TFDP2: variants seen among roughly 807,000 people sequenced by gnomAD.
TFDP2 encodes transcription factor Dp-2, also known as transcription factor Dp-2 (E2F dimerization partner 2).
A neutral mutation model predicts 59.3 loss-of-function variants in TFDP2; 17 were observed. The observed-to-expected ratio is 0.29, with a 90% CI of 0.20 to 0.43. The LOEUF (loss-of-function observed/expected upper bound fraction) is 0.43. TFDP2 is among the 20% of genes least tolerant of loss of function. TFDP2 has a pLI of 1.00. For missense variants in TFDP2, 391 were observed against 528.8 expected, an observed-to-expected ratio of 0.74 and a Z score of 2.56; for synonymous variants, 180 against 194.7, an observed-to-expected ratio of 0.92 and a Z score of 0.63.
At position 142,093,045 on chromosome 3, in the gene TFDP2, A is replaced by G. The variant is rs909828883; in HGVS notation, c.82+16T>C. On this transcript the variant is annotated intron_variant, in intron 3 of 12. Coordinates refer to ENST00000489671, the MANE Select transcript of TFDP2 (RefSeq NM_001178139.2). ...AACTAACTTAATTCAGAAAAATTTTATTCAATAATCCTTACCTTTTGTTGG... is the reference window on the plus strand; with the variant it reads ...AACTAACTTAATTCAGAAAAATTTTGTTCAATAATCCTTACCTTTTGTTGG... The G allele has an allele frequency of 8.6e-6, 13 of 1,509,130 alleles. No individual in the cohort carries two copies. The African/African-American group carries it at 1.5e-4, about 18-fold the overall frequency. The allele number at this position is 1,509,130 out of a possible 1,614,324, so 93.5% of individuals were successfully genotyped here.
In TFDP2 at chr3:142,101,814, G is replaced by T; in HGVS notation, c.-65C>A. The T allele has an allele frequency of 1.0e-6, 1 of 966,580 alleles. No individual in the cohort carries two copies. Among genetic ancestry groups the T allele is most frequent in the Non-Finnish European group, 1.4e-6 (1 of 700,512 alleles). The allele number at this position is 966,580 out of a possible 1,614,324, so 59.9% of individuals were successfully genotyped here. A position where few individuals can be genotyped will look rare whatever the true frequency, so the allele number is the denominator to read the frequency against. ...AAAAAATAAAAAGAAAAAAACCTTC[G>T]TCTTCAATAATTCTTTAAAAGAACA... is the stretch of plus-strand genomic sequence containing the variant. On this transcript the variant is annotated 5_prime_UTR_variant, in exon 2 of 13. Coordinates refer to ENST00000489671, the MANE Select transcript of TFDP2 (RefSeq NM_001178139.2).
At chr3:142,099,117 T>G (rs969053011) in intron 2 of TFDP2, among the ~76,000 whole-genome samples, 3 of 152,192 alleles carry the variant, frequency 2.0e-5, no homozygotes, top group African/African-American at 4.8e-5. Context: ...AAGAGGGCAA[T>G]CTCTTCCCTA....
chr3:142,076,206 G>A (rs1372726992), intron 3 of TFDP2, among the ~76,000 whole-genome samples: 5 of 82,850 alleles, frequency 6.0e-5, no homozygotes, highest in Non-Finnish European at 6.8e-5. Context: ...GTGAGACTCC[G>A]TCTCAAAAAA....
At chr3:142,142,869 T>C (rs1366827476) in intron 1 of TFDP2, among the ~76,000 whole-genome samples, 5 of 152,122 alleles carry the variant, frequency 3.3e-5, no homozygotes, top group African/African-American at 7.2e-5. Context: ...GTCTCTTCAA[T>C]AGATGGTGCT....
At chr3:141,956,757 T>C (rs957793575) in intron 11 of TFDP2, among the ~76,000 whole-genome samples, 12 of 136,312 alleles carry the variant, frequency 8.8e-5, no homozygotes, top group African/African-American at 3.3e-4. Context: ...ACCAAACATA[T>C]CAAAAAAAAA....
At chr3:141,959,269 T>C (rs930524289) in intron 11 of TFDP2, among the ~76,000 whole-genome samples, 2 of 152,122 alleles carry the variant, frequency 1.3e-5, no homozygotes, top group African/African-American at 4.8e-5. Context: ...ATGTACCTAC[T>C]TTCTTTTGTA....
At chr3:142,101,278 T>G (rs2061309572) in intron 2 of TFDP2, among the ~76,000 whole-genome samples, 1 of 151,842 alleles carries the variant, frequency 6.6e-6, no homozygotes, top group African/African-American at 2.4e-5. Context: ...AAATCTAATG[T>G]TTCTTCAGGA....
At chr3:142,111,427 C>CAAAAAA (rs80110477) in intron 1 of TFDP2, among the ~76,000 whole-genome samples, 2 of 60,182 alleles carry the variant, frequency 3.3e-5, no homozygotes, top group Non-Finnish European at 3.4e-5. Flanking sequence ...GACTCTGTCT[C>CAAAAAA]AAAAAAAAAA....
intron 3 of TFDP2, among the ~76,000 whole-genome samples, chr3:142,007,067 C>T (rs1209682842): frequency 6.6e-6 from 1 of 152,214 alleles, no homozygotes; most frequent in Non-Finnish European, 1.5e-5. Context: ...AGCCACCACG[C>T]CTGGCCCTAA....
intron 4 of TFDP2, among the ~76,000 whole-genome samples, chr3:142,004,232 T>A (rs1415274577): frequency 6.6e-6 from 1 of 152,218 alleles, no homozygotes; most frequent in Non-Finnish European, 1.5e-5. Flanking sequence ...TAGCTTGATT[T>A]CTGCAGATGA....
chr3:142,126,448 C>T (rs1370592226), intron 1 of TFDP2: 1 of 151,964 alleles, frequency 6.6e-6, no homozygotes, highest in African/African-American at 2.4e-5. Context: ...ACCTATTTTT[C>T]CTCTTCTTTA....
At chr3:141,974,002 G>C (rs774617584) in intron 8 of TFDP2, 46 bp downstream of exon 8, 1 of 1,565,794 alleles carries the variant, frequency 6.4e-7, no homozygotes, top group Admixed American at 2.0e-5. Flanking sequence ...TGCCTGTGAT[G>C]TAAAATAATG....
intron 10 of TFDP2, among the ~76,000 whole-genome samples, chr3:141,962,374 T>C (rs1479002962): frequency 6.6e-6 from 1 of 151,912 alleles, no homozygotes; most frequent in Non-Finnish European, 1.5e-5. Context: ...TTTTTCTTTT[T>C]TCGAGACAGA....
At chr3:141,958,234 C>T (rs1936935715) in intron 11 of TFDP2, among the ~76,000 whole-genome samples, 1 of 151,744 alleles carries the variant, frequency 6.6e-6, no homozygotes, top group Admixed American at 6.6e-5. Context: ...CAATCGGAAA[C>T]AAACAGTTTA....
At chr3:142,135,838 T>C (rs901179552) in intron 1 of TFDP2, among the ~76,000 whole-genome samples, 14 of 152,142 alleles carry the variant, frequency 9.2e-5, no homozygotes, top group Non-Finnish European at 1.5e-4. Flanking sequence ...AAGTCTTTGC[T>C]ATTGTGAATA....
intron 1 of TFDP2, among the ~76,000 whole-genome samples, chr3:142,102,902 T>C (rs2061356595): frequency 6.6e-6 from 1 of 152,160 alleles, no homozygotes; most frequent in Non-Finnish European, 1.5e-5. Flanking sequence ...GTTAGTGTCA[T>C]GAATGGCAAA....
chr3:142,051,341 C>T (rs1402341933), intron 3 of TFDP2, among the ~76,000 whole-genome samples: 1 of 152,112 alleles, frequency 6.6e-6, no homozygotes, highest in Non-Finnish European at 1.5e-5. Context: ...GTGTTTGAGA[C>T]CAGCCTGGCC....
At chr3:141,962,735 C>T (rs778891862) in intron 10 of TFDP2, among the ~76,000 whole-genome samples, 7 of 152,130 alleles carry the variant, frequency 4.6e-5, no homozygotes, top group Non-Finnish European at 1.0e-4. Context: ...CGGCAGGGGG[C>T]GCAAGAGCGC....
At chr3:142,101,161 T>A (rs1281919742) in intron 2 of TFDP2, among the ~76,000 whole-genome samples, 2 of 151,826 alleles carry the variant, frequency 1.3e-5, no homozygotes, top group Admixed American at 6.6e-5. Context: ...TAATAAACAG[T>A]GACAAATAAA....
Sources: gnomAD v4.1 joint callset for allele counts (sites outside exome capture counted in the v4.1 genomes callset) on GRCh38, gnomAD v4.1.1 for gene constraint, MANE v1.5 for transcripts, NCBI Gene and HGNC (gene_info 2026-07-23, HGNC 2026-07-21) for gene names.